CHD7: variants seen among roughly 807,000 people sequenced by gnomAD.
CHD7 encodes the protein chromodomain helicase DNA binding protein 7.
CHD7 carries 24 observed loss-of-function variants against 307.3 expected under a neutral mutation model. The ratio of observed to expected loss-of-function variants is 0.08; its 90% CI spans 0.06 to 0.11. The LOEUF (loss-of-function observed/expected upper bound fraction) is 0.11, where lower values mean the gene tolerates loss of function less well. Ranked by LOEUF, CHD7 falls within the 10% of genes least tolerant of loss-of-function variation. The pLI is 1.00. For synonymous variants in CHD7, 1,363 were observed against 1,349.9 expected, an observed-to-expected ratio of 1.01 and a Z score of -0.21; for missense variants, 3,106 against 3,727.1, an observed-to-expected ratio of 0.83 and a Z score of 4.34.
chr8:60,742,604 C>G lies in CHD7; in HGVS notation c.1172C>G (p.Ala391Gly), dbSNP rs191435594. ...CCTTCACAGCCTCAGGGAACTTATG[C>G]CTCTCCACCTCCCATGTCACCCATG... ...MHPSQPQGTY[A>G]SPPPMSPMKA... Residue 391 changes from alanine (A) to glycine (G), a missense_variant, in exon 2 of 38, where the codon GCC becomes GGC. By Grantham distance (60) the Ala-to-Gly change is moderately conservative (BLOSUM62 0). Coordinates refer to ENST00000423902, the MANE Select transcript of CHD7 (RefSeq NM_017780.4). The G allele has an allele frequency of 1.2e-6, 2 of 1,613,442 alleles. No homozygotes were observed. The highest frequency in any genetic ancestry group is 3.3e-5 in the Admixed American group (2 of 60,018).
intron 28 of CHD7, 52 bp from the exon 29 acceptor site, chr8:60,851,967 G>A: frequency 1.6e-6 from 2 of 1,279,272 alleles, no homozygotes; most frequent in Non-Finnish European, 2.2e-6. Flanking sequence ...GGAATACTCT[G>A]TATTGCAAGA....
In CHD7 at chr8:60,741,501, C is replaced by G; in HGVS notation, c.69C>G (p.Gly23=). Residue 23 remains glycine, a synonymous_variant, in exon 2 of 38, where the codon GGC becomes GGG. Transcript: ENST00000423902. ...DGNIFSEGLE[G]LGECGYPENP... ...ATATTTTCAGTGAAGGTCTTGAAGG[C>G]CTCGGAGAATGTGGTTACCCGGAAA... is the stretch of plus-strand genomic sequence containing the variant. 1 of 1,612,778 alleles carries G rather than the reference C, an allele frequency of 6.2e-7. No individual in the cohort carries two copies. The highest frequency in any genetic ancestry group is 8.5e-7 in the Non-Finnish European group (1 of 1,179,328).
At chr8:60,693,335 C>A (rs899578199) in intron 1 of CHD7, among the ~76,000 whole-genome samples, 1 of 152,236 alleles carries the variant, frequency 6.6e-6, no homozygotes, top group African/African-American at 2.4e-5. Flanking sequence ...GAACAAGTCC[C>A]TGTCTGTCTG....
intron 1 of CHD7, among the ~76,000 whole-genome samples, chr8:60,726,889 A>G (rs73684555): frequency 1.3e-5 from 2 of 152,188 alleles, no homozygotes; most frequent in African/African-American, 2.4e-5. Flanking sequence ...TGCCTCTCCT[A>G]TCTCATCTCT....
At chr8:60,845,928 T>C (rs1021073423) in intron 23 of CHD7, among the ~76,000 whole-genome samples, 8 of 152,208 alleles carry the variant, frequency 5.3e-5, no homozygotes, top group Admixed American at 2.6e-4. Context: ...TTCTATTAGT[T>C]TGTCTATTCT....
At chr8:60,749,370 CAAAAAAAAAAAAA>C (rs55661758) in intron 2 of CHD7, among the ~76,000 whole-genome samples, 1 of 56,286 alleles carries the variant, frequency 1.8e-5, no homozygotes, top group Non-Finnish European at 2.9e-5. Context: ...GACTCTGTAT[CAAAAAAAAAAAAA>C]AAAAAAAAAA....
At chr8:60,853,531 C>T in intron 31 of CHD7, 31 bp downstream of exon 31, 2 of 1,476,666 alleles carry the variant, frequency 1.4e-6, no homozygotes, top group Non-Finnish European at 1.8e-6. Context: ...CCTCTCCTGA[C>T]CCTGCAGCAG....
At chr8:60,861,362 T>C in intron 35 of CHD7, 1 of 436,968 alleles carries the variant, frequency 2.3e-6, no homozygotes, top group South Asian at 4.7e-5. Flanking sequence ...TGCATTTCCT[T>C]ACTGTTTGCT....
rs1309447740 is a variant in CHD7 at position 60,853,557 on chromosome 8, G to A, written c.6775+57G>A. 21 of 1,380,408 alleles carry A rather than the reference G, an allele frequency of 1.5e-5. 1 individual carries two copies. Among genetic ancestry groups the A allele is most frequent in the South Asian group, 1.4e-4 (8 of 58,416 alleles). The allele number at this position is 1,380,408 out of a possible 1,614,324, so 85.5% of individuals were successfully genotyped here. ...CCTGCAGCAGCTGGTTGTGAGATGCGTTGCTTTCTGGCAGCACGGCACCTG... is the reference window on the plus strand; with the variant it reads ...CCTGCAGCAGCTGGTTGTGAGATGCATTGCTTTCTGGCAGCACGGCACCTG... On this transcript the variant is annotated intron_variant, in intron 31 of 37. Coordinates refer to ENST00000423902, the MANE Select transcript of CHD7 (RefSeq NM_017780.4).
intron 1 of CHD7, among the ~76,000 whole-genome samples, chr8:60,703,513 C>T (rs1806870839): frequency 6.6e-6 from 1 of 152,194 alleles, no homozygotes; most frequent in Non-Finnish European, 1.5e-5. Flanking sequence ...ATTTTCCACT[C>T]TCCCCCCACC....
At chr8:60,860,583 T>G (rs1805923658) in intron 34 of CHD7, among the ~76,000 whole-genome samples, 2 of 152,174 alleles carry the variant, frequency 1.3e-5, no homozygotes, top group African/African-American at 4.8e-5. Context: ...TACAGGCAAG[T>G]GCCACCATGC....
At chr8:60,716,573 C>T (rs1346829205) in intron 1 of CHD7, among the ~76,000 whole-genome samples, 1 of 152,232 alleles carries the variant, frequency 6.6e-6, no homozygotes, top group Non-Finnish European at 1.5e-5. Flanking sequence ...CCCTGTGAGG[C>T]AGTCCCTTAC....
Position 60,781,026 on chromosome 8 carries a change from G to T in CHD7, c.1692G>T (p.Glu564Asp), listed in dbSNP as rs1232502101. ...HQHSPSEPFLEKPVPDMTQVS... is the reference protein window; with the variant it reads ...HQHSPSEPFLDKPVPDMTQVS... Reference sequence around the variant, plus strand: ...ATTCCCCGTCGGAGCCCTTTCTAGAGAAACCAGTGCCGGATATGACTCAGG... The same window carrying T: ...ATTCCCCGTCGGAGCCCTTTCTAGATAAACCAGTGCCGGATATGACTCAGG... The change falls in exon 3 of 38, where the codon GAG becomes GAT. Residue 564 changes from glutamate (E) to aspartate (D), a missense_variant. Physicochemically the swap from Glu to Asp is conservative, Grantham distance 45. This residue lies in a region of CHD7 where 998 missense variants were observed against 1,004.5 expected (regional missense o/e 0.99). Transcript: ENST00000423902. The T allele has an allele frequency of 1.9e-5, 30 of 1,576,644 alleles. No individual in the cohort carries two copies. The highest frequency in any genetic ancestry group is 2.6e-5 in the Non-Finnish European group (30 of 1,165,724).
intron 1 of CHD7, among the ~76,000 whole-genome samples, chr8:60,728,471 A>G (rs1160808966): frequency 2.0e-5 from 3 of 152,214 alleles, no homozygotes; most frequent in East Asian, 1.9e-4. Context: ...TTCCACACCT[A>G]TTTTAAGGCA....
intron 35 of CHD7, 185 bp from the exon 36 acceptor site, chr8:60,862,011 A>G: frequency 2.1e-6 from 1 of 479,676 alleles, no homozygotes; most frequent in Non-Finnish European, 3.6e-6. Flanking sequence ...GTATTCCTTA[A>G]TGGACGGGTA....
At chr8:60,844,830 A>G (rs753047664) in intron 21 of CHD7, 34 bp from the exon 22 acceptor site, 31 of 1,515,082 alleles carry the variant, frequency 2.0e-5, no homozygotes, top group South Asian at 1.3e-4. Flanking sequence ...CAAAACTCAC[A>G]GGCACCTCTG....
In CHD7 at chr8:60,865,691, C is replaced by T. The variant is rs1465616826; in HGVS notation, c.8752C>T (p.Leu2918=). 1 of 1,605,820 alleles carries T rather than the reference C, an allele frequency of 6.2e-7. No homozygotes were observed. The highest frequency in any genetic ancestry group is 1.1e-5 in the South Asian group (1 of 90,548). Residue 2918 remains leucine, a synonymous_variant, in exon 38 of 38, where the codon CTG becomes TTG. Coordinates refer to ENST00000423902, the MANE Select transcript of CHD7 (RefSeq NM_017780.4). This position sits in a 1 kb window ranked among gnomAD's most constrained non-coding sequence, Gnocchi z 4.3. ...FLPPGLGGLT[L]PGFPALAGLQ... is the part of the protein sequence containing the mutation. ...ACCTCCAGGACTGGGGGGATTGACG[C>T]TGCCTGGGTTCCCAGCATTGGCAGG...
Position 60,830,436 on chromosome 8 carries a change from A to C in CHD7, c.3637A>C (p.Ile1213Leu). Reference sequence around the variant, plus strand: ...TATTATTGAAGTTGAGCTAACAAACATTCAGAAGAAATATTACCGAGCCAT... The same window carrying C: ...TATTATTGAAGTTGAGCTAACAAACCTTCAGAAGAAATATTACCGAGCCAT... ...ETIIEVELTN[I>L]QKKYYRAILE... The change falls in exon 15 of 38, where the codon ATT becomes CTT. Residue 1213 changes from isoleucine (I) to leucine (L), a missense_variant. Coordinates refer to ENST00000423902, the MANE Select transcript of CHD7 (RefSeq NM_017780.4). The C allele has an allele frequency of 6.2e-7, 1 of 1,614,036 alleles. No homozygotes were observed. Among genetic ancestry groups the C allele is most frequent in the Non-Finnish European group, 8.5e-7 (1 of 1,179,890 alleles).
intron 35 of CHD7, 84 bp downstream of exon 35, chr8:60,861,209 C>A: frequency 9.9e-7 from 1 of 1,010,634 alleles, no homozygotes. Flanking sequence ...TCCCTGACAG[C>A]TGGTCCCTCT....
Sources: gnomAD v4.1 joint callset for allele counts (sites outside exome capture counted in the v4.1 genomes callset) on GRCh38, gnomAD v4.1.1 for gene constraint, gnomAD v4.1.1 regional missense constraint, Gnocchi (gnomAD v3.1) non-coding constraint, MANE v1.5 for transcripts, NCBI Gene and HGNC (gene_info 2026-07-23, HGNC 2026-07-21) for gene names.